Variants in C8orf34 observed in about 807,000 individuals in gnomAD.
C8orf34 encodes the protein uncharacterized protein C8orf34.
C8orf34 carries 65 observed loss-of-function variants against 68.3 expected under a neutral mutation model. The ratio of observed to expected loss-of-function variants is 0.95; its 90% CI spans 0.78 to 1.17. The LOEUF (loss-of-function observed/expected upper bound fraction) is 1.17. Among genes scored for constraint, C8orf34 ranks in the 50% most tolerant of loss-of-function variants. The pLI is 0.00. For missense variants in C8orf34, 664 were observed against 655.4 expected (o/e 1.01, Z -0.14); for synonymous variants, 244 against 241.2 (o/e 1.01, Z -0.11).
chr8:68,451,301 A>G (rs868479607), intron 3 of C8orf34, among the ~76,000 whole-genome samples: 5 of 151,934 alleles, frequency 3.3e-5, no homozygotes, highest in Admixed American at 6.6e-5. Context: ...AGCTTCTTTC[A>G]CTTTCTTATC....
At chr8:68,795,231 A>G (rs1386799603) in intron 12 of C8orf34, among the ~76,000 whole-genome samples, 1 of 150,900 alleles carries the variant, frequency 6.6e-6, no homozygotes, top group Non-Finnish European at 1.5e-5. Flanking sequence ...AATTGCCTTT[A>G]GTTGTTTGAA....
intron 1 of C8orf34, among the ~76,000 whole-genome samples, chr8:68,342,166 A>G (rs1211936965): frequency 1.3e-5 from 2 of 152,242 alleles, no homozygotes; most frequent in African/African-American, 4.8e-5. Flanking sequence ...ATATATCAAA[A>G]TATCACATTG....
chr8:68,750,840 T>C (rs1337304668), intron 10 of C8orf34, among the ~76,000 whole-genome samples: 1 of 152,136 alleles, frequency 6.6e-6, no homozygotes, highest in African/African-American at 2.4e-5. Flanking sequence ...TATTTCTAAT[T>C]TTTATAGTAC....
chr8:68,411,961 C>G (rs892979555), intron 1 of C8orf34, among the ~76,000 whole-genome samples: 6 of 152,094 alleles, frequency 3.9e-5, no homozygotes, highest in Non-Finnish European at 7.4e-5. Context: ...GAGGACAGTG[C>G]CCAAATGAAT....
chr8:68,682,544 T>C (rs796532645), intron 8 of C8orf34, among the ~76,000 whole-genome samples: 61 of 151,002 alleles, frequency 4.0e-4, no homozygotes, highest in African/African-American at 1.4e-3. Flanking sequence ...TTTTCAGAAT[T>C]CTCCTGTGTC....
At chr8:68,760,465 CT>C (rs1283052655) in intron 10 of C8orf34, among the ~76,000 whole-genome samples, 2 of 152,126 alleles carry the variant, frequency 1.3e-5, no homozygotes, top group African/African-American at 4.8e-5. Flanking sequence ...CAATTTGGAG[CT>C]TGATTTCCAG....
intron 3 of C8orf34, 78 bp downstream of exon 3, chr8:68,446,538 T>C: frequency 1.4e-6 from 2 of 1,458,584 alleles, no homozygotes; most frequent in Non-Finnish European, 1.9e-6. Flanking sequence ...AAGGTATTAA[T>C]TGAAGCCCAA....
At chr8:68,781,859 T>G (rs1411145956) in intron 11 of C8orf34, among the ~76,000 whole-genome samples, 1 of 152,224 alleles carries the variant, frequency 6.6e-6, no homozygotes, top group Admixed American at 6.5e-5. Flanking sequence ...ATTTGTACTT[T>G]AGGCAATTTG....
At chr8:68,595,428 A>T (rs188087140) in intron 7 of C8orf34, among the ~76,000 whole-genome samples, 1 of 152,226 alleles carries the variant, frequency 6.6e-6, no homozygotes, top group African/African-American at 2.4e-5. Flanking sequence ...TATTGTTGCT[A>T]TTGAAAAGTC....
intron 7 of C8orf34, among the ~76,000 whole-genome samples, chr8:68,611,430 C>T (rs1272777766): frequency 6.6e-6 from 1 of 152,124 alleles, no homozygotes; most frequent in African/African-American, 2.4e-5. Context: ...AAGAGGTCCT[C>T]TCTAGGATTG....
At chr8:68,620,961 T>C (rs1044094678) in intron 7 of C8orf34, among the ~76,000 whole-genome samples, 7 of 152,172 alleles carry the variant, frequency 4.6e-5, no homozygotes, top group Non-Finnish European at 1.0e-4. Flanking sequence ...GAGTTGTTTA[T>C]ATGCGGAAAT....
chr8:68,423,455 T>C lies in C8orf34; in HGVS notation c.328-16044T>C, dbSNP rs181835256. Among the ~76,000 whole-genome samples the C allele has an allele frequency of 5.9e-3, 893 of 152,266 alleles. 7 individuals carry two copies. The highest frequency in any genetic ancestry group is 0.021 in the African/African-American group (866 of 41,562). Reference sequence around the variant, plus strand: ...ATCTCAGCCTGGACTTCAGTGTCCATATCACTATCAGCATTTTGGTCAAAG... The same window carrying C: ...ATCTCAGCCTGGACTTCAGTGTCCACATCACTATCAGCATTTTGGTCAAAG... On this transcript the variant is annotated intron_variant, in intron 1 of 13. Transcript: ENST00000518698.
chr8:68,533,223 T>C, intron 7 of C8orf34, 74 bp downstream of exon 7: 1 of 1,490,278 alleles, frequency 6.7e-7, no homozygotes, highest in Non-Finnish European at 8.9e-7. Context: ...ATTAAGAGAT[T>C]TTAAAAGTTT....
rs548325153 is a variant in C8orf34 at position 68,580,799 on chromosome 8, G to T, written c.1105+47650G>T. On this transcript the variant is annotated intron_variant, in intron 7 of 13. Coordinates refer to ENST00000518698, the MANE Select transcript of C8orf34 (RefSeq NM_052958.4). ...TAGCTCTTCTTGTGAACAGTGAAAA[G>T]ATGCTGATTTTCTCATGATGGCAGT... Among the ~76,000 whole-genome samples the T allele has an allele frequency of 5.9e-5, 9 of 152,240 alleles. No individual in the cohort carries two copies. In the South Asian group the frequency reaches 1.9e-3, roughly 32 times the overall value.
In C8orf34 at chr8:68,409,078, T is replaced by C. The variant is rs557484019; in HGVS notation, c.328-30421T>C. Among the ~76,000 whole-genome samples, 3 of 152,106 alleles carry C rather than the reference T, an allele frequency of 2.0e-5. No homozygotes were observed. In the South Asian group the frequency reaches 6.2e-4, roughly 32 times the overall value. The stretch of plus-strand genomic sequence containing the variant: ...CTGGGATTACAGGCGTGAGCCACTG[T>C]GCCCGGCCTGAGCTGCCAGTCTTAT... On this transcript the variant is annotated intron_variant, in intron 1 of 13. Coordinates refer to ENST00000518698, the MANE Select transcript of C8orf34 (RefSeq NM_052958.4).
At chr8:68,340,520 C>T (rs1010128260) in intron 1 of C8orf34, among the ~76,000 whole-genome samples, 9 of 152,066 alleles carry the variant, frequency 5.9e-5, no homozygotes, top group Non-Finnish European at 1.3e-4. Flanking sequence ...GGACTGCAGA[C>T]ATCAAAAGAA....
At chr8:68,743,759 A>G (rs1172715409) in intron 10 of C8orf34, among the ~76,000 whole-genome samples, 1 of 152,226 alleles carries the variant, frequency 6.6e-6, no homozygotes, top group Non-Finnish European at 1.5e-5. Context: ...GCTGATTGCT[A>G]GCACAGCAGT....
At chr8:68,426,298 A>G (rs1203680052) in intron 1 of C8orf34, among the ~76,000 whole-genome samples, 4 of 152,188 alleles carry the variant, frequency 2.6e-5, no homozygotes, top group Admixed American at 2.6e-4. Context: ...CTGGTGGATC[A>G]CTTGAGGTCA....
chr8:68,398,552 A>G (rs1457525954), intron 1 of C8orf34, among the ~76,000 whole-genome samples: 2 of 152,168 alleles, frequency 1.3e-5, no homozygotes, highest in African/African-American at 4.8e-5. Context: ...ATTTGAAATG[A>G]TAGATATGTT....
Sources: allele counts gnomAD v4.1 joint callset (sites outside exome capture counted in the v4.1 genomes callset), GRCh38; gene constraint gnomAD v4.1.1; transcripts MANE v1.5; gene names NCBI Gene and HGNC (gene_info 2026-07-23, HGNC 2026-07-21).